Variants in EPM2A observed in about 807,000 individuals in gnomAD.
EPM2A encodes EPM2A glucan phosphatase, laforin.
EPM2A carries 21 observed loss-of-function variants against 26.5 expected under a neutral mutation model. The ratio of observed to expected loss-of-function variants is 0.79; its 90% CI spans 0.56 to 1.14. EPM2A has a LOEUF of 1.14. EPM2A is among the 50% of genes most tolerant of loss of function. The pLI, the probability that EPM2A is intolerant of heterozygous loss-of-function variation, is 0.00. For synonymous variants in EPM2A, 217 were observed against 177.6 expected (o/e 1.22, Z -1.76); for missense variants, 458 against 440.8 (o/e 1.04, Z -0.35).
At chr6:145,590,014 A>T (rs1781250575) in intron 2 of EPM2A, among the ~76,000 whole-genome samples, 2 of 152,298 alleles carry the variant, frequency 1.3e-5, no homozygotes, top group South Asian at 4.2e-4. Context: ...CCACCACACA[A>T]ATTCTAGAAA....
At chr6:145,735,530 C>G, upstream of EPM2A, 1 of 1,168,786 alleles carries the variant, frequency 8.6e-7, no homozygotes, top group Non-Finnish European at 1.1e-6. Flanking sequence ...TACCCGGGCC[C>G]GGAGTCCCCG....
intron 2 of EPM2A, among the ~76,000 whole-genome samples, chr6:145,644,201 A>G (rs1582953689): frequency 1.3e-5 from 2 of 152,370 alleles, no homozygotes; most frequent in African/African-American, 2.4e-5. Context: ...CAAGCATTGT[A>G]TCTCTGTTGT....
chr6:145,397,382 A>G (rs9484985), intron 4 of EPM2A, among the ~76,000 whole-genome samples: 8,312 of 152,234 alleles, frequency 0.055, 549 homozygotes, highest in African/African-American at 0.15. Flanking sequence ...TTGAGGCTGC[A>G]GTGAGGTATG....
At chr6:145,730,634 T>C (rs1045810418) in intron 1 of EPM2A, among the ~76,000 whole-genome samples, 1 of 152,222 alleles carries the variant, frequency 6.6e-6, no homozygotes, top group Non-Finnish European at 1.5e-5. Flanking sequence ...GAGGCTGTAC[T>C]CCATGCTTCT....
At chr6:145,567,748 C>T (rs1474681231) in intron 2 of EPM2A, among the ~76,000 whole-genome samples, 3 of 152,184 alleles carry the variant, frequency 2.0e-5, no homozygotes, top group Non-Finnish European at 4.4e-5. Context: ...TATATTGAAT[C>T]CTGGAGCAAG....
At chr6:145,651,627 C>T (rs142787048) in intron 2 of EPM2A, among the ~76,000 whole-genome samples, 246 of 152,192 alleles carry the variant, frequency 1.6e-3, no homozygotes, top group Non-Finnish European at 2.1e-3. Flanking sequence ...AGGAATTAAA[C>T]GGTGTACTTT....
intron 2 of EPM2A, among the ~76,000 whole-genome samples, chr6:145,531,042 T>C (rs1052341131): frequency 2.6e-5 from 4 of 152,214 alleles, no homozygotes; most frequent in African/African-American, 9.6e-5. Context: ...TAGAAAGATA[T>C]GGTGTCTCCA....
intron 2 of EPM2A, among the ~76,000 whole-genome samples, chr6:145,673,259 T>C (rs1028895329): frequency 6.6e-6 from 1 of 152,022 alleles, no homozygotes; most frequent in African/African-American, 2.4e-5. Context: ...CAAAACTAAA[T>C]AGGAGTGTGG....
chr6:145,502,999 T>A (rs1779914993), intron 2 of EPM2A, among the ~76,000 whole-genome samples: 1 of 152,236 alleles, frequency 6.6e-6, no homozygotes. Flanking sequence ...TAGCTTTAGC[T>A]TTGCCATAAC....
At chr6:145,570,992 T>C (rs968517880) in intron 2 of EPM2A, among the ~76,000 whole-genome samples, 1 of 152,172 alleles carries the variant, frequency 6.6e-6, no homozygotes, top group African/African-American at 2.4e-5. Context: ...TCCAGTTTAA[T>C]AGAATTGTTG....
rs1490854268 is a variant in EPM2A, at chr6:145,597,324, C to T, written c.340+37921G>A. ...AGAGACTTTATGATTCTGAAAATAT[C>T]TTCTTCTACACTTACATTGCTGGTC... is the stretch of plus-strand genomic sequence containing the variant. On this transcript the variant is annotated intron_variant, in intron 2 of 3. Coordinates refer to the EPM2A transcript ENST00000450221. Among the ~76,000 whole-genome samples, 5 of 152,164 alleles carry T rather than the reference C, an allele frequency of 3.3e-5. No homozygotes were observed. The East Asian group carries it at 9.6e-4, about 29-fold the overall frequency.
chr6:145,492,827 G>A (rs577791278), intron 4 of EPM2A, among the ~76,000 whole-genome samples: 40 of 152,184 alleles, frequency 2.6e-4, no homozygotes, highest in Admixed American at 7.2e-4. Context: ...TGCTGATGGA[G>A]CTGGGGGATT....
At chr6:145,609,701 ACT>A (rs1364750300) in intron 2 of EPM2A, among the ~76,000 whole-genome samples, 2 of 151,964 alleles carry the variant, frequency 1.3e-5, no homozygotes, top group African/African-American at 4.8e-5. Flanking sequence ...ACATTTTTTA[ACT>A]CTGTCTTCTC....
chr6:145,423,876 A>G (rs1423506646), intron 4 of EPM2A, among the ~76,000 whole-genome samples: 2 of 152,234 alleles, frequency 1.3e-5, no homozygotes, highest in South Asian at 4.1e-4. Flanking sequence ...TTCAGGCATT[A>G]GTATTACTTA....
upstream of EPM2A, chr6:145,735,901 G>A (rs987707372): frequency 6.6e-6 from 1 of 152,302 alleles, no homozygotes; most frequent in East Asian, 1.9e-4. Context: ...ATAAGGAAGG[G>A]AATGACCTCT....
chr6:145,598,800 G>T (rs966141747), intron 2 of EPM2A, among the ~76,000 whole-genome samples: 2 of 152,090 alleles, frequency 1.3e-5, no homozygotes, highest in African/African-American at 4.8e-5. Flanking sequence ...TAGGGAAGGG[G>T]TCTAGTTTCA....
At chr6:145,442,141 C>A (rs1779072185) in intron 4 of EPM2A, among the ~76,000 whole-genome samples, 1 of 152,158 alleles carries the variant, frequency 6.6e-6, no homozygotes, top group African/African-American at 2.4e-5. Flanking sequence ...TCATTATCAG[C>A]ATTTTGGTCA....
intron 1 of EPM2A, among the ~76,000 whole-genome samples, chr6:145,707,078 T>C (rs558632151): frequency 4.6e-5 from 7 of 152,218 alleles, no homozygotes; most frequent in Non-Finnish European, 8.8e-5. Flanking sequence ...ACTGGTGCCT[T>C]AATCTTTGAC....
intron 2 of EPM2A, among the ~76,000 whole-genome samples, chr6:145,663,655 T>TACAGAGAACGCC (rs1212126737): frequency 1.4e-5 from 2 of 147,570 alleles, no homozygotes; most frequent in African/African-American, 2.5e-5. Flanking sequence ...ATTCAGGAAA[T>TACAGAGAACGCC]ACAGAGAACG....
Sources: allele counts gnomAD v4.1 joint callset (sites outside exome capture counted in the v4.1 genomes callset), GRCh38; gene constraint gnomAD v4.1.1; transcripts MANE v1.5; gene names NCBI Gene and HGNC (gene_info 2026-07-23, HGNC 2026-07-21).